Variants in RBFOX1 observed in about 807,000 individuals in gnomAD.
RBFOX1 encodes RNA binding protein fox-1 homolog 1.
RBFOX1 carries 8 observed loss-of-function variants against 57.7 expected under a neutral mutation model. The observed-to-expected ratio is 0.14, with a 90% CI of 0.08 to 0.25. The LOEUF is 0.25. Among genes scored for constraint, RBFOX1 ranks in the 10% least tolerant of loss-of-function variants. The pLI is 1.00. For missense variants in RBFOX1, 611 were observed against 548.5 expected (o/e 1.11, Z -1.14); for synonymous variants, 326 against 222.4 (o/e 1.47, Z -4.15).
At chr16:6,674,812 A>G (rs2057336099) in intron 3 of RBFOX1, among the ~76,000 whole-genome samples, 2 of 152,220 alleles carry the variant, frequency 1.3e-5, no homozygotes, top group Admixed American at 1.3e-4. Context: ...AGAGAAAACA[A>G]GACCCTATTA....
chr16:6,931,338 T>TACACACACACACACACA (rs1360394265), intron 3 of RBFOX1, among the ~76,000 whole-genome samples: 3 of 131,216 alleles, frequency 2.3e-5, no homozygotes, highest in African/African-American at 1.0e-4. Context: ...TCTATCTATC[T>TACACACACACACACACA]CTACACACAC....
At chr16:7,310,975 A>T (rs2096293011) in intron 4 of RBFOX1, among the ~76,000 whole-genome samples, 1 of 152,156 alleles carries the variant, frequency 6.6e-6, no homozygotes, top group Non-Finnish European at 1.5e-5. Flanking sequence ...GGCCTGCTGG[A>T]TTGCCTGGGA....
chr16:6,049,327 A>T (rs968042369), intron 1 of RBFOX1, among the ~76,000 whole-genome samples: 1 of 19,006 alleles, frequency 5.3e-5, no homozygotes, highest in Non-Finnish European at 1.4e-4. Flanking sequence ...GTCTCCTTTA[A>T]AAAAAAAATT....
At chr16:6,091,655 C>T (rs1427479178) in intron 1 of RBFOX1, among the ~76,000 whole-genome samples, 1 of 152,102 alleles carries the variant, frequency 6.6e-6, no homozygotes, top group Non-Finnish European at 1.5e-5. Context: ...CATGGGGAAA[C>T]CCCATCTTTA....
intron 7 of RBFOX1, among the ~76,000 whole-genome samples, chr16:7,594,474 A>G (rs2152940951): frequency 6.6e-6 from 1 of 152,328 alleles, no homozygotes; most frequent in Middle Eastern, 3.4e-3. Flanking sequence ...CAAGATGTAC[A>G]AATATTTTTA....
intron 3 of RBFOX1, among the ~76,000 whole-genome samples, chr16:6,936,196 C>G (rs759029498): frequency 6.6e-6 from 1 of 152,108 alleles, no homozygotes; most frequent in Non-Finnish European, 1.5e-5. Context: ...AGGATATTAC[C>G]TTAAGGATAT....
At chr16:5,762,423 G>A (rs949294879) in intron 3 of RBFOX1, among the ~76,000 whole-genome samples, 1 of 151,350 alleles carries the variant, frequency 6.6e-6, no homozygotes, top group Non-Finnish European at 1.5e-5. Context: ...GAGTCAGACA[G>A]TCTCATACCA....
At chr16:7,219,452 T>A (rs2092548697) in intron 4 of RBFOX1, among the ~76,000 whole-genome samples, 1 of 152,216 alleles carries the variant, frequency 6.6e-6, no homozygotes, top group South Asian at 2.1e-4. Flanking sequence ...AACCGTCGGC[T>A]GCTCCAACCG....
At chr16:5,428,393 C>G (rs1229610903) in intron 1 of RBFOX1, among the ~76,000 whole-genome samples, 2 of 152,110 alleles carry the variant, frequency 1.3e-5, no homozygotes, top group African/African-American at 2.4e-5. Context: ...CCCAACAGTC[C>G]TTTTTCAACA....
intron 3 of RBFOX1, among the ~76,000 whole-genome samples, chr16:5,621,543 G>C (rs1323616638): frequency 6.6e-6 from 1 of 152,168 alleles, no homozygotes; most frequent in Non-Finnish European, 1.5e-5. Flanking sequence ...GAGGGCAGGA[G>C]GGTTTACATA....
chr16:7,576,239 T>A (rs139932328), intron 5 of RBFOX1, among the ~76,000 whole-genome samples: 1 of 152,250 alleles, frequency 6.6e-6, no homozygotes, highest in East Asian at 1.9e-4. Context: ...ACCCCATTAA[T>A]GTCCTTTGAT....
chr16:5,825,128 C>T (rs935828464), intron 3 of RBFOX1, among the ~76,000 whole-genome samples: 1 of 152,228 alleles, frequency 6.6e-6, no homozygotes, highest in African/African-American at 2.4e-5. Flanking sequence ...TGGTTAAGTG[C>T]ATGGACTCTG....
chr16:7,441,888 C>G lies in RBFOX1; in HGVS notation c.28-76259C>G, dbSNP rs896255583. ...ATTTGCCTCCGTAGTGCTCTCCTCC[C>G]ACCCTTCCACAAATAAACGTGCCCA... is the stretch of plus-strand genomic sequence containing the variant. On this transcript the variant is annotated intron_variant, in intron 4 of 15. Coordinates refer to ENST00000550418, the MANE Select transcript of RBFOX1 (RefSeq NM_018723.4). Among the ~76,000 whole-genome samples the G allele has an allele frequency of 2.6e-5, 4 of 152,196 alleles. No homozygotes were observed. In the East Asian group the frequency reaches 5.8e-4, roughly 22 times the overall value.
intron 3 of RBFOX1, among the ~76,000 whole-genome samples, chr16:5,760,403 C>G (rs983714682): frequency 2.0e-5 from 3 of 152,124 alleles, no homozygotes; most frequent in Non-Finnish European, 4.4e-5. Context: ...TACACACACA[C>G]ATACATATAT....
At chr16:5,812,526 G>A (rs1452783915) in intron 3 of RBFOX1, among the ~76,000 whole-genome samples, 1 of 147,720 alleles carries the variant, frequency 6.8e-6, no homozygotes, top group African/African-American at 2.5e-5. Context: ...TGGTGCAGTC[G>A]TAGCTCACTG....
intron 4 of RBFOX1, among the ~76,000 whole-genome samples, chr16:7,261,336 A>G (rs2094911322): frequency 6.6e-6 from 1 of 152,182 alleles, no homozygotes; most frequent in South Asian, 2.1e-4. Context: ...TGGTTATATC[A>G]TTATCATCAC....
chr16:7,493,065 G>C (rs557895865), intron 4 of RBFOX1, among the ~76,000 whole-genome samples: 15 of 152,312 alleles, frequency 9.8e-5, no homozygotes, highest in African/African-American at 3.6e-4. Context: ...TTTTAGTAGA[G>C]ATGGGGTTTC....
At chr16:6,621,666 C>G (rs1639422663) in intron 2 of RBFOX1, among the ~76,000 whole-genome samples, 1 of 152,288 alleles carries the variant, frequency 6.6e-6, no homozygotes, top group Middle Eastern at 3.4e-3. Context: ...ATTACTGTAT[C>G]AACCCCATTG....
At chr16:6,461,342 C>G (rs1391588510) in intron 2 of RBFOX1, among the ~76,000 whole-genome samples, 1 of 152,130 alleles carries the variant, frequency 6.6e-6, no homozygotes, top group Non-Finnish European at 1.5e-5. Context: ...ACTTAATTAA[C>G]TCGTTAAAGA....
Sources: gnomAD v4.1 joint callset for allele counts (sites outside exome capture counted in the v4.1 genomes callset) on GRCh38, gnomAD v4.1.1 for gene constraint, MANE v1.5 for transcripts, NCBI Gene and HGNC (gene_info 2026-07-23, HGNC 2026-07-21) for gene names.